LSM12: variants seen among roughly 807,000 people sequenced by gnomAD.
The protein encoded by LSM12 is protein LSM12.
For missense variants in LSM12, 108 were observed against 238.9 expected (o/e 0.45, Z 3.61); for synonymous variants, 74 against 87.3 (o/e 0.85, Z 0.85).
intron 1 of LSM12, 50 bp from the exon 2 acceptor site, chr17:44,063,984 GAC>G: frequency 1.9e-6 from 3 of 1,594,938 alleles, no homozygotes; most frequent in Non-Finnish European, 2.6e-6. Context: ...CAGAGGCACT[GAC>G]ACATCCCAAA....
chr17:44,051,762 C>T (rs555596406), intron 2 of LSM12, among the ~76,000 whole-genome samples: 2 of 152,132 alleles, frequency 1.3e-5, no homozygotes, highest in African/African-American at 4.8e-5. Context: ...TGGCTTGAGT[C>T]CAGGGGTGCA....
intron 2 of LSM12, among the ~76,000 whole-genome samples, chr17:44,048,639 G>C (rs1054661288): frequency 6.6e-6 from 1 of 152,046 alleles, no homozygotes; most frequent in African/African-American, 2.4e-5. Context: ...CCAAGTTTAA[G>C]AACACACTGG....
At chr17:44,055,694 A>ATAT (rs1471039665) in intron 2 of LSM12, among the ~76,000 whole-genome samples, 1 of 144,588 alleles carries the variant, frequency 6.9e-6, no homozygotes, top group African/African-American at 2.6e-5. Flanking sequence ...TATATAAAAT[A>ATAT]TATATATATA....
chr17:44,063,144 C>T (rs1213315142), intron 2 of LSM12, among the ~76,000 whole-genome samples: 1 of 152,010 alleles, frequency 6.6e-6, no homozygotes, highest in Non-Finnish European at 1.5e-5. Context: ...CATGTAATCC[C>T]AGCTACTCAG....
intron 2 of LSM12, among the ~76,000 whole-genome samples, chr17:44,053,613 T>C (rs762545299): frequency 6.6e-6 from 1 of 152,106 alleles, no homozygotes; most frequent in Admixed American, 6.6e-5. Context: ...ACAATGACTA[T>C]CAGAGATTCA....
At chr17:44,036,345 G>A (rs1325700584) in intron 4 of LSM12, 45 bp from the exon 5 acceptor site, 2 of 1,612,134 alleles carry the variant, frequency 1.2e-6, no homozygotes, top group African/African-American at 2.7e-5. Flanking sequence ...AGATGCGGAA[G>A]AAAGGTCTCC....
intron 3 of LSM12, among the ~76,000 whole-genome samples, chr17:44,038,473 A>G (rs1254407498): frequency 6.6e-6 from 1 of 152,038 alleles, no homozygotes; most frequent in Non-Finnish European, 1.5e-5. Flanking sequence ...CCTGGTCAAC[A>G]TGATGAAACT....
intron 2 of LSM12, among the ~76,000 whole-genome samples, chr17:44,045,042 T>C (rs2049543301): frequency 6.6e-6 from 1 of 152,190 alleles, no homozygotes; most frequent in African/African-American, 2.4e-5. Flanking sequence ...ATTTCTTTTT[T>C]TTTGAGACAA....
chr17:44,065,457 AAAG>A (rs2049860458), intron 1 of LSM12, among the ~76,000 whole-genome samples: 1 of 149,660 alleles, frequency 6.7e-6, no homozygotes, highest in African/African-American at 2.5e-5. Flanking sequence ...AAAAAAAAAA[AAAG>A]ATGCCATAAA....
rs926117815 is a variant in LSM12 at position 44,035,691 on chromosome 17, A to AT, written c.*516_*517insA. 7.1e-6 allele frequency: 1 copy of AT among 141,602 alleles called. No homozygotes were observed. The highest frequency in any genetic ancestry group is 1.5e-5 in the Non-Finnish European group (1 of 65,584). 8.8% of individuals were successfully genotyped at this position (141,602 alleles called of 1,614,324 possible). The stretch of plus-strand genomic sequence containing the variant: ...CATGCCCTGTGCAAAAAAAAAAAAA[A>AT]AAAGAAAAAAGAAAAAAAAAGGAAA... On this transcript the variant is annotated 3_prime_UTR_variant, in exon 5 of 5. Coordinates refer to ENST00000293406, the MANE Select transcript of LSM12 (RefSeq NM_001371445.1).
At chr17:44,051,970 T>C (rs2049650394) in intron 2 of LSM12, among the ~76,000 whole-genome samples, 1 of 151,932 alleles carries the variant, frequency 6.6e-6, no homozygotes, top group African/African-American at 2.4e-5. Flanking sequence ...CCGCTGGGTG[T>C]GGTAGCATGT....
At chr17:44,037,082 C>T (rs1032150345) in intron 4 of LSM12, 3 of 170,534 alleles carry the variant, frequency 1.8e-5, no homozygotes, top group African/African-American at 2.4e-5. Flanking sequence ...CCAGCGTGGG[C>T]GACAGAGCGA....
intron 2 of LSM12, among the ~76,000 whole-genome samples, chr17:44,046,805 A>C (rs1028820595): frequency 1.7e-5 from 2 of 119,294 alleles, no homozygotes; most frequent in Non-Finnish European, 3.2e-5. Context: ...ATCTTGGCTC[A>C]CTGCAACCTC....
At chr17:44,059,844 G>A (rs1597896881) in intron 2 of LSM12, among the ~76,000 whole-genome samples, 1 of 152,062 alleles carries the variant, frequency 6.6e-6, no homozygotes, top group Non-Finnish European at 1.5e-5. Flanking sequence ...CAGCAAGATG[G>A]GCCAATATGT....
At position 44,040,182 on chromosome 17, in the gene LSM12, T is replaced by C; in HGVS notation, c.333A>G (p.Leu111=). Residue 111 remains leucine, a synonymous_variant, in exon 3 of 5, where the codon CTA becomes CTG. Transcript: ENST00000293406. ...TGGTCTGGAAGAGCTGCTGGCCCTC[T>C]AGAGAGACACCAGCACTGATTGCAT... ...QAYAISAGVS[L]EGQQLFQTIH... 2.5e-6 allele frequency: 4 copies of C among 1,613,872 alleles called. No homozygotes were observed. Among genetic ancestry groups the C allele is most frequent in the African/African-American group, 1.3e-5 (1 of 75,058 alleles).
intron 2 of LSM12, among the ~76,000 whole-genome samples, chr17:44,041,140 G>T (rs572486755): frequency 6.6e-6 from 1 of 151,652 alleles, no homozygotes; most frequent in African/African-American, 2.4e-5. Flanking sequence ...GCATGGTGGT[G>T]CGTGCCTGTA....
At chr17:44,064,268 C>T (rs1276555822) in intron 1 of LSM12, among the ~76,000 whole-genome samples, 2 of 152,200 alleles carry the variant, frequency 1.3e-5, no homozygotes, top group African/African-American at 4.8e-5. Flanking sequence ...TCTGTGTCTG[C>T]ACAGTATTCT....
At chr17:44,055,883 A>G (rs1272247087) in intron 2 of LSM12, among the ~76,000 whole-genome samples, 1 of 151,754 alleles carries the variant, frequency 6.6e-6, no homozygotes, top group Non-Finnish European at 1.5e-5. Flanking sequence ...TCAAATCACC[A>G]GAAAGCCATA....
At chr17:44,066,942 A>T (rs1019370320), upstream of LSM12, among the ~76,000 whole-genome samples, 14 of 152,342 alleles carry the variant, frequency 9.2e-5, no homozygotes, top group African/African-American at 3.4e-4. Context: ...ATTTTATAAA[A>T]TATGTTAACC....
Sources: allele counts gnomAD v4.1 joint callset (sites outside exome capture counted in the v4.1 genomes callset), GRCh38; gene constraint gnomAD v4.1.1; transcripts MANE v1.5; gene names NCBI Gene and HGNC (gene_info 2026-07-23, HGNC 2026-07-21).